The following SNTG1 variants were observed in gnomAD, a reference collection of about 807,000 sequenced individuals.
SNTG1 encodes the protein gamma-1-syntrophin.
SNTG1 carries 39 observed loss-of-function variants against 74.7 expected under a neutral mutation model. The ratio of observed to expected loss-of-function variants is 0.52; its 90% CI spans 0.40 to 0.68. SNTG1 has a LOEUF of 0.68. SNTG1 is among the 30% of genes least tolerant of loss of function. The probability of loss-of-function intolerance (pLI) is 0.00; values close to 1 mark genes in which losing one functional copy is unlikely to be tolerated. For synonymous variants in SNTG1, 254 were observed against 217.1 expected, an observed-to-expected ratio of 1.17 and a Z score of -1.49; for missense variants, 685 against 609.5, an observed-to-expected ratio of 1.12 and a Z score of -1.30.
intron 18 of SNTG1, among the ~76,000 whole-genome samples, chr8:50,787,583 T>A (rs1052031753): frequency 1.3e-5 from 2 of 151,686 alleles, no homozygotes; most frequent in Admixed American, 1.3e-4. Flanking sequence ...TCACAAAAAA[T>A]CAAAAGTAGG....
At chr8:49,959,730 C>A (rs1368486703) in intron 1 of SNTG1, among the ~76,000 whole-genome samples, 1 of 152,144 alleles carries the variant, frequency 6.6e-6, no homozygotes, top group African/African-American at 2.4e-5. Context: ...TACTTTTGGG[C>A]TATTATGAAT....
At chr8:50,360,880 G>A (rs1488047746) in intron 2 of SNTG1, among the ~76,000 whole-genome samples, 1 of 152,084 alleles carries the variant, frequency 6.6e-6, no homozygotes, top group African/African-American at 2.4e-5. Context: ...GAATATGAAG[G>A]CCTAGGACAT....
intron 13 of SNTG1, among the ~76,000 whole-genome samples, chr8:50,631,679 T>C (rs2094998701): frequency 6.6e-6 from 1 of 152,228 alleles, no homozygotes; most frequent in Non-Finnish European, 1.5e-5. Context: ...GCTTCCTTTA[T>C]TACTTCTTTA....
intron 13 of SNTG1, among the ~76,000 whole-genome samples, chr8:50,619,514 G>A (rs959028050): frequency 6.6e-6 from 1 of 152,062 alleles, no homozygotes; most frequent in Non-Finnish European, 1.5e-5. Context: ...GGCAGATCAC[G>A]AGGTCAGGAG....
intron 2 of SNTG1, among the ~76,000 whole-genome samples, chr8:50,245,677 C>A (rs2086367032): frequency 6.6e-6 from 1 of 151,950 alleles, no homozygotes; most frequent in African/African-American, 2.4e-5. Context: ...AGTAAGAGTC[C>A]ATCTCAAACA....
chr8:50,061,236 A>T (rs1820445365), intron 1 of SNTG1, among the ~76,000 whole-genome samples: 1 of 152,128 alleles, frequency 6.6e-6, no homozygotes, highest in South Asian at 2.1e-4. Context: ...ATGATTATAG[A>T]ATAATTTAGA....
At chr8:50,771,712 C>T (rs2095627605) in intron 18 of SNTG1, among the ~76,000 whole-genome samples, 1 of 151,774 alleles carries the variant, frequency 6.6e-6, no homozygotes, top group Non-Finnish European at 1.5e-5. Flanking sequence ...TCTTTGAGGC[C>T]AGTCTCATCA....
At chr8:50,671,895 G>C (rs1382990640) in intron 15 of SNTG1, among the ~76,000 whole-genome samples, 1 of 151,580 alleles carries the variant, frequency 6.6e-6, no homozygotes, top group East Asian at 2.0e-4. Flanking sequence ...TCCTTTGTAG[G>C]GACATGGATG....
chr8:50,627,794 G>T (rs1015379639), intron 13 of SNTG1, among the ~76,000 whole-genome samples: 1 of 152,192 alleles, frequency 6.6e-6, no homozygotes, highest in African/African-American at 2.4e-5. Flanking sequence ...GAGAAGAATG[G>T]AGCTTCCATG....
chr8:49,971,615 C>T (rs1341692624), intron 1 of SNTG1, among the ~76,000 whole-genome samples: 16 of 152,214 alleles, frequency 1.1e-4, no homozygotes, highest in Middle Eastern at 3.4e-3. Context: ...TCTGGAAAAC[C>T]CCATTGTCTC....
chr8:50,466,856 A>G (rs575781764), intron 8 of SNTG1, among the ~76,000 whole-genome samples: 1 of 152,134 alleles, frequency 6.6e-6, no homozygotes, highest in South Asian at 2.1e-4. Flanking sequence ...GAAAGCAATT[A>G]ACACTTGCAT....
chr8:50,782,962 G>A (rs1400127449), intron 18 of SNTG1, among the ~76,000 whole-genome samples: 1 of 152,132 alleles, frequency 6.6e-6, no homozygotes, highest in Non-Finnish European at 1.5e-5. Context: ...GTTTGCCAGA[G>A]GTCCACCCCA....
At chr8:50,471,101 T>C (rs1426530393) in intron 8 of SNTG1, among the ~76,000 whole-genome samples, 1 of 152,126 alleles carries the variant, frequency 6.6e-6, no homozygotes, top group Non-Finnish European at 1.5e-5. Flanking sequence ...TACAATCCTT[T>C]AGCTAGACAG....
intron 2 of SNTG1, among the ~76,000 whole-genome samples, chr8:50,317,410 C>T (rs75877506): frequency 0.069 from 10,513 of 151,730 alleles, 405 homozygotes; most frequent in African/African-American, 0.085. Flanking sequence ...GAAAAGTTAA[C>T]TTACAGAGTT....
At chr8:49,930,210 G>A (rs899090959) in intron 1 of SNTG1, among the ~76,000 whole-genome samples, 2 of 151,804 alleles carry the variant, frequency 1.3e-5, no homozygotes, top group Admixed American at 6.6e-5. Context: ...AACATAACAA[G>A]AGATAGTATG....
In SNTG1 at chr8:50,583,082, A is replaced by G. The variant is rs1188628691; in HGVS notation, c.811-7797A>G. On this transcript the variant is annotated intron_variant, in intron 12 of 18. Transcript: ENST00000642720. ...TTGTTTCCTTTGTGTAGGTCACACC[A>G]TCCTGAATCTAGGTATGCTCTTTGA... Among the ~76,000 whole-genome samples the G allele has an allele frequency of 2.0e-5, 3 of 152,028 alleles. No individual in the cohort carries two copies. In the East Asian group the frequency reaches 5.8e-4, roughly 29 times the overall value.
At chr8:50,008,266 C>T (rs2130533213) in intron 1 of SNTG1, among the ~76,000 whole-genome samples, 1 of 152,166 alleles carries the variant, frequency 6.6e-6, no homozygotes, top group Admixed American at 6.5e-5. Context: ...ATTATCAGAC[C>T]CTCTGTACTG....
At chr8:50,048,282 G>T (rs903536524) in intron 1 of SNTG1, among the ~76,000 whole-genome samples, 4 of 151,594 alleles carry the variant, frequency 2.6e-5, no homozygotes, top group African/African-American at 7.3e-5. Context: ...TAAACCAAGA[G>T]AAAAAAAGAG....
chr8:50,168,012 T>A (rs2082685874), intron 1 of SNTG1, among the ~76,000 whole-genome samples: 1 of 152,130 alleles, frequency 6.6e-6, no homozygotes, highest in African/African-American at 2.4e-5. Flanking sequence ...AAATTTTAAC[T>A]TATAATTTGA....
Sources: allele counts gnomAD v4.1 joint callset (sites outside exome capture counted in the v4.1 genomes callset), GRCh38; gene constraint gnomAD v4.1.1; transcripts MANE v1.5; gene names NCBI Gene and HGNC (gene_info 2026-07-23, HGNC 2026-07-21).